RANBP2: variants seen among roughly 807,000 people sequenced by gnomAD.
RANBP2 encodes the protein E3 SUMO-protein ligase RanBP2.
Under a neutral mutation model 303.6 loss-of-function variants are expected in RANBP2, and 57 were observed. The ratio of observed to expected loss-of-function variants is 0.19; its 90% CI spans 0.15 to 0.23. The LOEUF is 0.23. Ranked by LOEUF, RANBP2 falls within the 10% of genes least tolerant of loss-of-function variation. The pLI, the probability that RANBP2 is intolerant of heterozygous loss-of-function variation, is 1.00. For synonymous variants in RANBP2, 1,167 were observed against 1,301.5 expected (o/e 0.90, Z 2.23); for missense variants, 3,138 against 3,780.8 (o/e 0.83, Z 4.46).
At chr2:109,495,327 C>G in the RANBP2 span, among the ~76,000 whole-genome samples, 10 of 152,196 alleles carry the variant, frequency 6.6e-5, no homozygotes, top group Admixed American at 6.5e-4. Context: ...GCCAGGCAAG[C>G]TGAGTTCTGG....
At chr2:108,888,961 C>T in the RANBP2 span, among the ~76,000 whole-genome samples, 7 of 151,996 alleles carry the variant, frequency 4.6e-5, no homozygotes, top group African/African-American at 1.7e-4. Flanking sequence ...CCCCTTTGCA[C>T]TGCTTTTGTT....
chr2:109,260,220 G>A, the RANBP2 span, among the ~76,000 whole-genome samples: 3 of 152,248 alleles, frequency 2.0e-5, no homozygotes, highest in South Asian at 6.2e-4. Context: ...TGGCAGCCCT[G>A]TGATTTACCG....
the RANBP2 span, among the ~76,000 whole-genome samples, chr2:109,094,473 G>A: frequency 6.6e-6 from 1 of 152,146 alleles, no homozygotes; most frequent in African/African-American, 2.4e-5. Flanking sequence ...ACTGGCAAAT[G>A]AGAAATCTTA....
the RANBP2 span, among the ~76,000 whole-genome samples, chr2:108,944,573 G>T: frequency 1.3e-5 from 2 of 152,124 alleles, no homozygotes; most frequent in Non-Finnish European, 2.9e-5. Flanking sequence ...TCCTTCACAA[G>T]CAGACCTGGC....
At chr2:109,323,550 C>T in the RANBP2 span, among the ~76,000 whole-genome samples, 4 of 152,184 alleles carry the variant, frequency 2.6e-5, no homozygotes, top group Admixed American at 1.3e-4. Context: ...GTAGATGGGG[C>T]ATAAGTCTGA....
At chr2:109,518,577 T>C in the RANBP2 span, among the ~76,000 whole-genome samples, 4,252 of 152,298 alleles carry the variant, frequency 0.028, 219 homozygotes, top group African/African-American at 0.097. Context: ...TGCTGGACAT[T>C]CCCACCATTA....
chr2:108,744,342 T>C (rs1011433847), intron 7 of RANBP2, among the ~76,000 whole-genome samples: 3 of 151,846 alleles, frequency 2.0e-5, no homozygotes, highest in Non-Finnish European at 2.9e-5. Context: ...AGGCGGAGGT[T>C]GCAGTGAGCT....
chr2:108,820,239 G>T, the RANBP2 span, among the ~76,000 whole-genome samples: 3 of 151,960 alleles, frequency 2.0e-5, no homozygotes, highest in Non-Finnish European at 2.9e-5. Context: ...GCGACCCCGT[G>T]CCTACAAAAA....
At chr2:109,515,236 G>A in the RANBP2 span, among the ~76,000 whole-genome samples, 1 of 152,110 alleles carries the variant, frequency 6.6e-6, no homozygotes, top group African/African-American at 2.4e-5. Flanking sequence ...ACCCCATGAT[G>A]GCGAGCTTGG....
At chr2:109,157,508 T>G in the RANBP2 span, among the ~76,000 whole-genome samples, 1 of 152,238 alleles carries the variant, frequency 6.6e-6, no homozygotes, top group Admixed American at 6.5e-5. Flanking sequence ...GATCTGAAAC[T>G]GGCCTTAGAG....
At chr2:109,577,585 C>T in the RANBP2 span, among the ~76,000 whole-genome samples, 1 of 146,888 alleles carries the variant, frequency 6.8e-6, no homozygotes, top group Non-Finnish European at 1.5e-5. Context: ...GAGTGAGACT[C>T]CACCTCAAAA....
the RANBP2 span, among the ~76,000 whole-genome samples, chr2:109,668,989 C>G: frequency 6.6e-6 from 1 of 152,162 alleles, no homozygotes; most frequent in Non-Finnish European, 1.5e-5. Flanking sequence ...GTAACCAAAT[C>G]TGCATGACCA....
the RANBP2 span, among the ~76,000 whole-genome samples, chr2:109,319,943 G>A: frequency 6.0e-4 from 92 of 152,350 alleles, no homozygotes; most frequent in African/African-American, 2.0e-3. Context: ...CAAGGTGAAC[G>A]AGCTGCTGTG....
chr2:109,143,274 A>G, the RANBP2 span, among the ~76,000 whole-genome samples: 3 of 152,244 alleles, frequency 2.0e-5, no homozygotes, highest in Non-Finnish European at 4.4e-5. Context: ...GAACTCATTA[A>G]GTAAGTATCG....
chr2:109,564,517 A>G, the RANBP2 span: 2 of 1,523,612 alleles, frequency 1.3e-6, no homozygotes, highest in East Asian at 4.6e-5. Context: ...ACAAAGTCAC[A>G]GTGGTTTTCA....
chr2:109,469,286 A>C, the RANBP2 span, among the ~76,000 whole-genome samples: 2 of 152,200 alleles, frequency 1.3e-5, no homozygotes, highest in Non-Finnish European at 2.9e-5. Flanking sequence ...CCCTAAAGAC[A>C]CCACCTCACT....
chr2:109,297,188 G>C, the RANBP2 span, among the ~76,000 whole-genome samples: 18 of 152,028 alleles, frequency 1.2e-4, no homozygotes, highest in East Asian at 1.9e-4. Context: ...TCTGCAGGGG[G>C]GTGAGTTCCC....
chr2:109,235,348 G>C, the RANBP2 span, among the ~76,000 whole-genome samples: 1 of 152,128 alleles, frequency 6.6e-6, no homozygotes, highest in Non-Finnish European at 1.5e-5. Context: ...GGATCTCTAA[G>C]GGCCACTAAA....
At chr2:108,973,842 T>C in the RANBP2 span, among the ~76,000 whole-genome samples, 42 of 152,328 alleles carry the variant, frequency 2.8e-4, no homozygotes, top group South Asian at 8.5e-3. Flanking sequence ...TTTGGTTTTA[T>C]GTAAATAACA....
Sources: allele counts gnomAD v4.1 joint callset (sites outside exome capture counted in the v4.1 genomes callset), GRCh38; gene constraint gnomAD v4.1.1; transcripts MANE v1.5; gene names NCBI Gene and HGNC (gene_info 2026-07-23, HGNC 2026-07-21).